The following MPPED2 variants were observed in gnomAD, a reference collection of about 807,000 sequenced individuals.
The protein encoded by MPPED2 is metallophosphoesterase domain containing 2.
Under a neutral mutation model 33.0 loss-of-function variants are expected in MPPED2, and 5 were observed. The observed-to-expected ratio is 0.15, with a 90% CI of 0.08 to 0.32. The LOEUF is 0.32. MPPED2 is among the 10% of genes least tolerant of loss of function. The pLI, the probability that MPPED2 is intolerant of heterozygous loss-of-function variation, is 1.00. For missense variants in MPPED2, 275 were observed against 372.1 expected, an observed-to-expected ratio of 0.74 and a Z score of 2.15; for synonymous variants, 136 against 141.9, an observed-to-expected ratio of 0.96 and a Z score of 0.29.
At chr11:30,527,071 G>A (rs980051228) in intron 3 of MPPED2, among the ~76,000 whole-genome samples, 20 of 151,652 alleles carry the variant, frequency 1.3e-4, no homozygotes, top group African/African-American at 3.9e-4. Flanking sequence ...GACTACAGGC[G>A]CCCACCACCA....
At chr11:30,431,457 G>T (rs1186476167) in intron 4 of MPPED2, among the ~76,000 whole-genome samples, 2 of 152,208 alleles carry the variant, frequency 1.3e-5, no homozygotes, top group Non-Finnish European at 2.9e-5. Flanking sequence ...ATGACACATT[G>T]TTGGGAACAT....
chr11:30,583,921 C>T (rs1387345302), intron 1 of MPPED2, among the ~76,000 whole-genome samples: 1 of 152,214 alleles, frequency 6.6e-6, no homozygotes, highest in African/African-American at 2.4e-5. Context: ...TTCGCTCTCT[C>T]CTCCCTCTGC....
At chr11:30,465,948 C>T (rs1950689952) in intron 4 of MPPED2, among the ~76,000 whole-genome samples, 1 of 152,224 alleles carries the variant, frequency 6.6e-6, no homozygotes. Flanking sequence ...TTGAAAGCTA[C>T]ATCCAAGCTT....
chr11:30,545,617 G>A (rs2134575542), intron 2 of MPPED2, among the ~76,000 whole-genome samples: 1 of 152,210 alleles, frequency 6.6e-6, no homozygotes, highest in South Asian at 2.1e-4. Flanking sequence ...ACTTTACATG[G>A]ATCACTTTCA....
chr11:30,454,832 C>G (rs535912007), intron 4 of MPPED2, among the ~76,000 whole-genome samples: 22 of 152,292 alleles, frequency 1.4e-4, no homozygotes, highest in African/African-American at 4.6e-4. Context: ...ATCAGAGAGC[C>G]TATAAGCTCT....
chr11:30,539,808 A>G (rs1955003073), intron 2 of MPPED2, among the ~76,000 whole-genome samples: 1 of 152,052 alleles, frequency 6.6e-6, no homozygotes, highest in African/African-American at 2.4e-5. Context: ...TATTAGCAGT[A>G]GTACAGGTGA....
intron 4 of MPPED2, among the ~76,000 whole-genome samples, chr11:30,445,257 C>A (rs772608937): frequency 5.3e-5 from 8 of 152,080 alleles, no homozygotes; most frequent in Admixed American, 2.6e-4. Context: ...GTTGTTCAAC[C>A]CTCTCTTATA....
chr11:30,407,045 G>A (rs918450410), downstream of MPPED2, among the ~76,000 whole-genome samples: 1 of 152,154 alleles, frequency 6.6e-6, no homozygotes, highest in African/African-American at 2.4e-5. Context: ...TGTTTTATCT[G>A]CAATTGACAA....
At chr11:30,405,624 CAGAG>C (rs919522049), downstream of MPPED2, among the ~76,000 whole-genome samples, 5 of 152,104 alleles carry the variant, frequency 3.3e-5, no homozygotes, top group South Asian at 8.3e-4. Flanking sequence ...TCAGATAGTT[CAGAG>C]AGAGAGAAAG....
chr11:30,429,391 A>G (rs1430799363), intron 4 of MPPED2: 1 of 152,170 alleles, frequency 6.6e-6, no homozygotes, highest in Non-Finnish European at 1.5e-5. Context: ...GCCCCCATTT[A>G]TCTACCATTT....
At chr11:30,513,360 C>T (rs953289053) in intron 3 of MPPED2, among the ~76,000 whole-genome samples, 1 of 152,190 alleles carries the variant, frequency 6.6e-6, no homozygotes, top group African/African-American at 2.4e-5. Flanking sequence ...ATCTTTGTTT[C>T]AAGAGGTCTA....
intron 4 of MPPED2, among the ~76,000 whole-genome samples, chr11:30,428,372 T>A (rs565210144): frequency 2.8e-4 from 43 of 152,288 alleles, no homozygotes; most frequent in South Asian, 6.2e-4. Flanking sequence ...AAAAACAGTC[T>A]ACATAAATAG....
chr11:30,523,155 G>A (rs1953967396), intron 3 of MPPED2, among the ~76,000 whole-genome samples: 1 of 152,026 alleles, frequency 6.6e-6, no homozygotes, highest in Admixed American at 6.6e-5. Flanking sequence ...AGGTGGGGGC[G>A]GGTGGCAAAC....
intron 2 of MPPED2, 148 bp from the exon 3 acceptor site, chr11:30,536,323 C>A (rs1238594520): frequency 7.9e-6 from 5 of 632,368 alleles, no homozygotes; most frequent in Non-Finnish European, 1.2e-5. Flanking sequence ...AAGGACACTT[C>A]TGGGTGTAAC....
intron 2 of MPPED2, among the ~76,000 whole-genome samples, chr11:30,565,126 C>T (rs1590878202): frequency 6.6e-6 from 1 of 152,264 alleles, no homozygotes; most frequent in East Asian, 1.9e-4. Context: ...CTCCCCTGTG[C>T]AGTCTTGAAT....
intron 2 of MPPED2, among the ~76,000 whole-genome samples, chr11:30,537,620 T>C (rs905116074): frequency 2.0e-5 from 3 of 152,092 alleles, no homozygotes; most frequent in Non-Finnish European, 2.9e-5. Flanking sequence ...TTATTTCCTC[T>C]TATCTGTGTC....
At position 30,497,168 on chromosome 11, in the gene MPPED2, G is replaced by A. The variant is rs149870065; in HGVS notation, c.311-1647C>T. Reference sequence around the variant, plus strand: ...GCCTCCCTCAAATGCATGTTTATGCGAATTTGGTAATTAAGAGTATGATGT... The same window carrying A: ...GCCTCCCTCAAATGCATGTTTATGCAAATTTGGTAATTAAGAGTATGATGT... On this transcript the variant is annotated intron_variant, in intron 3 of 6. Coordinates refer to ENST00000358117, the MANE Select transcript of MPPED2 (RefSeq NM_001584.3). 1.4e-4 allele frequency among the ~76,000 whole-genome samples: 21 copies of A among 152,292 alleles called. No individual in the cohort carries two copies. The South Asian group carries it at 1.9e-3, about 14-fold the overall frequency.
At chr11:30,536,320 C>T in intron 2 of MPPED2, 145 bp from the exon 3 acceptor site, 1 of 649,352 alleles carries the variant, frequency 1.5e-6, no homozygotes, top group Non-Finnish European at 2.4e-6. Context: ...ATTAAGGACA[C>T]TTCTGGGTGT....
intron 4 of MPPED2, among the ~76,000 whole-genome samples, chr11:30,445,263 T>G (rs1949754072): frequency 6.6e-6 from 1 of 152,184 alleles, no homozygotes; most frequent in Non-Finnish European, 1.5e-5. Flanking sequence ...CAACCCTCTC[T>G]TATAAATGGA....
Sources: allele counts gnomAD v4.1 joint callset (sites outside exome capture counted in the v4.1 genomes callset), GRCh38; gene constraint gnomAD v4.1.1; transcripts MANE v1.5; gene names NCBI Gene and HGNC (gene_info 2026-07-23, HGNC 2026-07-21).